Variants in ERC2 observed in about 807,000 individuals in gnomAD.
ERC2 encodes the protein ERC protein 2.
ERC2 carries 42 observed loss-of-function variants against 114.8 expected under a neutral mutation model. The observed-to-expected ratio is 0.37, with a 90% CI of 0.29 to 0.47. ERC2 has a LOEUF of 0.47. Among genes scored for constraint, ERC2 ranks in the 20% least tolerant of loss-of-function variants. The pLI, the probability that ERC2 is intolerant of heterozygous loss-of-function variation, is 0.99. For synonymous variants in ERC2, 454 were observed against 425.5 expected (o/e 1.07, Z -0.82); for missense variants, 939 against 1,150.7 (o/e 0.82, Z 2.66).
intron 3 of ERC2, among the ~76,000 whole-genome samples, chr3:56,262,781 T>G (rs1392573318): frequency 6.6e-6 from 1 of 152,226 alleles, no homozygotes; most frequent in East Asian, 1.9e-4. Context: ...ATATACAAAT[T>G]TTGGTCCCCA....
chr3:55,572,074 G>T (rs1282806963), intron 17 of ERC2, among the ~76,000 whole-genome samples: 6 of 152,232 alleles, frequency 3.9e-5, no homozygotes. Flanking sequence ...GACTGACGGC[G>T]TTCCTGAGGG....
At chr3:55,739,122 G>A (rs1363273333) in intron 14 of ERC2, among the ~76,000 whole-genome samples, 1 of 152,184 alleles carries the variant, frequency 6.6e-6, no homozygotes, top group Non-Finnish European at 1.5e-5. Flanking sequence ...CTATTCCATG[G>A]TGTATATGTG....
chr3:55,949,128 G>C (rs1207831948), intron 13 of ERC2, among the ~76,000 whole-genome samples: 1 of 152,088 alleles, frequency 6.6e-6, no homozygotes. Flanking sequence ...CCAGCACTTT[G>C]GGAGGCCGAG....
Position 55,976,009 on chromosome 3 carries a change from CTT to C in ERC2, c.2267+9966_2267+9967del, listed in dbSNP as rs571242432. 3.9e-5 allele frequency among the ~76,000 whole-genome samples: 6 copies of C among 152,342 alleles called. No individual in the cohort carries two copies. The South Asian group carries it at 1.2e-3, about 32-fold the overall frequency. On this transcript the variant is annotated intron_variant, in intron 12 of 17. Coordinates refer to ENST00000288221, the MANE Select transcript of ERC2 (RefSeq NM_015576.3). ...TCACCCTGCGCCATGGGTAATGCCT[CTT>C]TGCCAAATTTCAGATTTTCATTCCA... is the stretch of plus-strand genomic sequence containing the variant.
intron 14 of ERC2, among the ~76,000 whole-genome samples, chr3:55,853,816 A>T (rs2061673692): frequency 1.3e-5 from 2 of 152,306 alleles, no homozygotes; most frequent in South Asian, 2.1e-4. Flanking sequence ...GGGAACATGA[A>T]AAGAATTACA....
chr3:55,626,685 T>G (rs558275373), intron 17 of ERC2, among the ~76,000 whole-genome samples: 27 of 152,324 alleles, frequency 1.8e-4, no homozygotes, highest in Middle Eastern at 6.8e-3. Context: ...TACAGAAGAA[T>G]TGCTACTGCT....
intron 3 of ERC2, among the ~76,000 whole-genome samples, chr3:56,291,222 A>G (rs2055062485): frequency 6.6e-6 from 1 of 152,260 alleles, no homozygotes; most frequent in African/African-American, 2.4e-5. Flanking sequence ...AAAAAGCTAG[A>G]GAACAAGGTA....
chr3:55,807,528 G>T (rs966024301), intron 14 of ERC2, among the ~76,000 whole-genome samples: 1 of 152,164 alleles, frequency 6.6e-6, no homozygotes, highest in Non-Finnish European at 1.5e-5. Flanking sequence ...CAATTACTCA[G>T]CTCTGCTACT....
At chr3:55,627,905 T>TTTTTTTTTG (rs2059585690) in intron 17 of ERC2, among the ~76,000 whole-genome samples, 1 of 110,610 alleles carries the variant, frequency 9.0e-6, no homozygotes, top group Non-Finnish European at 2.0e-5. Flanking sequence ...TTTTTTTTTT[T>TTTTTTTTTG]GAAGAAAGGG....
At chr3:55,595,616 C>G (rs1453098123) in intron 17 of ERC2, among the ~76,000 whole-genome samples, 5 of 152,204 alleles carry the variant, frequency 3.3e-5, no homozygotes, top group African/African-American at 9.7e-5. Context: ...ATGATGAAAG[C>G]CGGACATTCC....
intron 6 of ERC2, among the ~76,000 whole-genome samples, chr3:56,113,165 A>T (rs2079051243): frequency 6.6e-6 from 1 of 152,228 alleles, no homozygotes; most frequent in Admixed American, 6.5e-5. Flanking sequence ...CAGATTCTAT[A>T]TCAGAGCCAT....
chr3:55,760,349 C>G (rs1371976157), intron 14 of ERC2, among the ~76,000 whole-genome samples: 2 of 152,098 alleles, frequency 1.3e-5, no homozygotes, highest in African/African-American at 4.8e-5. Context: ...TTAGGAGCAC[C>G]TTGAAGACCC....
At chr3:55,630,231 G>A (rs947857760) in intron 17 of ERC2, among the ~76,000 whole-genome samples, 9 of 152,274 alleles carry the variant, frequency 5.9e-5, no homozygotes, top group African/African-American at 1.4e-4. Context: ...GTGCGATGGC[G>A]CGATCTTGGC....
At chr3:56,160,350 A>G (rs2081980912) in intron 4 of ERC2, among the ~76,000 whole-genome samples, 1 of 152,072 alleles carries the variant, frequency 6.6e-6, no homozygotes, top group Non-Finnish European at 1.5e-5. Flanking sequence ...TTCAATGTTT[A>G]AGTTCCTGAT....
intron 7 of ERC2, among the ~76,000 whole-genome samples, chr3:56,075,058 ATG>A (rs1576820354): frequency 6.6e-6 from 1 of 152,200 alleles, no homozygotes; most frequent in East Asian, 1.9e-4. Context: ...CACCAAAGGG[ATG>A]CATAATTCCA....
intron 14 of ERC2, among the ~76,000 whole-genome samples, chr3:55,755,679 T>C (rs2067006448): frequency 6.6e-6 from 1 of 152,130 alleles, no homozygotes; most frequent in Non-Finnish European, 1.5e-5. Flanking sequence ...GAGGCATTTG[T>C]AACTAACTGC....
intron 17 of ERC2, chr3:55,657,453 T>G (rs1187299846): frequency 1.3e-5 from 2 of 152,284 alleles, no homozygotes; most frequent in South Asian, 4.1e-4. Context: ...TTAGACATAT[T>G]TCTTTTTTTC....
At chr3:56,318,605 A>C (rs1445836823) in intron 2 of ERC2, among the ~76,000 whole-genome samples, 1 of 152,056 alleles carries the variant, frequency 6.6e-6, no homozygotes, top group African/African-American at 2.4e-5. Context: ...AAAAAAAGAC[A>C]ACCTGATTTT....
At chr3:55,976,185 G>T (rs2069574468) in intron 12 of ERC2, among the ~76,000 whole-genome samples, 1 of 152,098 alleles carries the variant, frequency 6.6e-6, no homozygotes, top group Non-Finnish European at 1.5e-5. Context: ...TTATACAGGT[G>T]GGTCTCACCG....
Sources: allele counts gnomAD v4.1 joint callset (sites outside exome capture counted in the v4.1 genomes callset), GRCh38; gene constraint gnomAD v4.1.1; transcripts MANE v1.5; gene names NCBI Gene and HGNC (gene_info 2026-07-23, HGNC 2026-07-21).